The following NCAM2 variants were observed in gnomAD, a reference collection of about 807,000 sequenced individuals.
NCAM2 encodes the protein neural cell adhesion molecule 2, also known as N-CAM-2.
NCAM2 carries 30 observed loss-of-function variants against 98.1 expected under a neutral mutation model. That is an observed-to-expected ratio of 0.31 (90% CI 0.23 to 0.41). The LOEUF (loss-of-function observed/expected upper bound fraction) is 0.41. Among genes scored for constraint, NCAM2 ranks in the 10% least tolerant of loss-of-function variants. The probability of loss-of-function intolerance (pLI) is 1.00; values close to 1 mark genes in which losing one functional copy is unlikely to be tolerated. For synonymous variants in NCAM2, 368 were observed against 342.4 expected (o/e 1.07, Z -0.83); for missense variants, 867 against 1,005.8 (o/e 0.86, Z 1.87).
intron 10 of NCAM2, among the ~76,000 whole-genome samples, chr21:21,415,484 G>A (rs1020851198): frequency 6.6e-5 from 10 of 151,242 alleles, no homozygotes; most frequent in Admixed American, 4.0e-4. Flanking sequence ...TACAGGCGCC[G>A]GCCACCACGC....
At chr21:21,345,314 A>C (rs904818755) in intron 8 of NCAM2, among the ~76,000 whole-genome samples, 4 of 152,086 alleles carry the variant, frequency 2.6e-5, no homozygotes, top group African/African-American at 9.7e-5. Context: ...GAGAAATAGA[A>C]ATATGTGAAC....
At chr21:21,305,476 G>A (rs1216926680) in intron 5 of NCAM2, among the ~76,000 whole-genome samples, 1 of 152,160 alleles carries the variant, frequency 6.6e-6, no homozygotes, top group Non-Finnish European at 1.5e-5. Context: ...AACACACTTG[G>A]CCTTGTCCAT....
chr21:21,284,164 C>T, intron 2 of NCAM2, 30 bp from the exon 3 acceptor site: 2 of 1,553,006 alleles, frequency 1.3e-6, no homozygotes, highest in South Asian at 1.1e-5. Flanking sequence ...TAACAATTTT[C>T]AAACCTTTAT....
At chr21:21,522,828 C>T (rs1381613304) in intron 16 of NCAM2, among the ~76,000 whole-genome samples, 5 of 151,618 alleles carry the variant, frequency 3.3e-5, no homozygotes, top group Admixed American at 1.3e-4. Flanking sequence ...GGCGGGGTTT[C>T]GCCATGCTGG....
intron 1 of NCAM2, among the ~76,000 whole-genome samples, chr21:21,174,101 G>C (rs190166201): frequency 1.4e-3 from 218 of 152,168 alleles, no homozygotes; most frequent in Admixed American, 2.6e-3. Flanking sequence ...TTGTATTTTA[G>C]TAGATACGAG....
intron 16 of NCAM2, 39 bp from the exon 17 acceptor site, chr21:21,534,498 T>C (rs1989878442): frequency 6.9e-6 from 10 of 1,450,770 alleles, no homozygotes; most frequent in Non-Finnish European, 9.2e-6. Context: ...CATCCATTTT[T>C]AAATTACACA....
At chr21:21,125,413 T>C (rs2066773616) in intron 1 of NCAM2, among the ~76,000 whole-genome samples, 1 of 135,674 alleles carries the variant, frequency 7.4e-6, no homozygotes, top group Non-Finnish European at 1.5e-5. Flanking sequence ...ATATAATATT[T>C]TACATATATT....
At chr21:21,185,433 CTT>C (rs1352945720) in intron 1 of NCAM2, among the ~76,000 whole-genome samples, 4 of 152,112 alleles carry the variant, frequency 2.6e-5, no homozygotes, top group Non-Finnish European at 5.9e-5. Context: ...TCTAGCATGA[CTT>C]TTGAAATTGC....
At chr21:21,013,213 T>C (rs1479709644) in intron 1 of NCAM2, among the ~76,000 whole-genome samples, 1 of 152,094 alleles carries the variant, frequency 6.6e-6, no homozygotes, top group Non-Finnish European at 1.5e-5. Context: ...CTGTGCCGGT[T>C]AACCAAATTA....
intron 8 of NCAM2, among the ~76,000 whole-genome samples, chr21:21,358,391 A>G (rs1381042526): frequency 6.6e-6 from 1 of 152,022 alleles, no homozygotes; most frequent in Non-Finnish European, 1.5e-5. Flanking sequence ...TCATTTTGAA[A>G]ATGTCCAGAA....
At chr21:21,301,307 C>T (rs68019555) in intron 5 of NCAM2, among the ~76,000 whole-genome samples, 24,201 of 151,292 alleles carry the variant, frequency 0.16, 2,301 homozygotes, top group Middle Eastern at 0.3. Context: ...AAATTATTTG[C>T]GAAATTGGAT....
At chr21:21,037,860 A>C (rs1271754542) in intron 1 of NCAM2, among the ~76,000 whole-genome samples, 1 of 152,312 alleles carries the variant, frequency 6.6e-6, no homozygotes, top group Admixed American at 6.5e-5. Flanking sequence ...CATACATGGA[A>C]GAATGGTTTA....
At chr21:21,184,624 C>A (rs1280806069) in intron 1 of NCAM2, among the ~76,000 whole-genome samples, 1 of 152,034 alleles carries the variant, frequency 6.6e-6, no homozygotes, top group Non-Finnish European at 1.5e-5. Context: ...ACCTCTATAG[C>A]AAATTAAAAT....
intron 5 of NCAM2, among the ~76,000 whole-genome samples, chr21:21,297,710 T>C (rs2073539389): frequency 6.9e-6 from 1 of 145,654 alleles, no homozygotes; most frequent in Admixed American, 7.1e-5. Context: ...TAGGCTTTAG[T>C]TAAATAATAC....
chr21:21,450,001 A>T (rs17806131), intron 12 of NCAM2, among the ~76,000 whole-genome samples: 1,600 of 152,088 alleles, frequency 0.011, 15 homozygotes, highest in Non-Finnish European at 0.018. Context: ...AAACTAATGT[A>T]CTGTTTTGAT....
intron 8 of NCAM2, among the ~76,000 whole-genome samples, chr21:21,370,443 T>G (rs893231658): frequency 3.3e-5 from 5 of 151,906 alleles, no homozygotes; most frequent in African/African-American, 9.7e-5. Flanking sequence ...GTTTTGGTGT[T>G]TGAAATCCTC....
chr21:21,535,871 C>A (rs1443797803), intron 17 of NCAM2, among the ~76,000 whole-genome samples: 2 of 151,986 alleles, frequency 1.3e-5, no homozygotes, highest in African/African-American at 4.8e-5. Context: ...ACATATTTTA[C>A]CTATACGTAA....
chr21:21,092,453 T>C (rs1277844212), intron 1 of NCAM2, among the ~76,000 whole-genome samples: 6 of 152,054 alleles, frequency 3.9e-5, no homozygotes, highest in Non-Finnish European at 1.5e-5. Context: ...ATATTATTAA[T>C]TTTATCTGTC....
intron 9 of NCAM2, among the ~76,000 whole-genome samples, chr21:21,405,946 T>G (rs1602240167): frequency 6.6e-6 from 1 of 152,282 alleles, no homozygotes; most frequent in East Asian, 1.9e-4. Flanking sequence ...CTCTCATATT[T>G]CAAATATACA....
Sources: allele counts gnomAD v4.1 joint callset (sites outside exome capture counted in the v4.1 genomes callset), GRCh38; gene constraint gnomAD v4.1.1; transcripts MANE v1.5; gene names NCBI Gene and HGNC (gene_info 2026-07-23, HGNC 2026-07-21).